KMO: variants seen among roughly 807,000 people sequenced by gnomAD.
The protein encoded by KMO is kynurenine 3-monooxygenase.
Under a neutral mutation model 57.8 loss-of-function variants are expected in KMO, and 24 were observed. The ratio of observed to expected loss-of-function variants is 0.42; its 90% CI spans 0.30 to 0.58. The LOEUF is 0.58. KMO is among the 20% of genes least tolerant of loss of function. The pLI, the probability that KMO is intolerant of heterozygous loss-of-function variation, is 0.22. For synonymous variants in KMO, 210 were observed against 193.6 expected, an observed-to-expected ratio of 1.08 and a Z score of -0.70; for missense variants, 483 against 588.2, an observed-to-expected ratio of 0.82 and a Z score of 1.85.
intron 10 of KMO, among the ~76,000 whole-genome samples, chr1:241,573,489 A>G (rs1007919392): frequency 2.6e-5 from 4 of 152,128 alleles, no homozygotes; most frequent in Admixed American, 1.3e-4. Context: ...ATTCTTCTAC[A>G]TGTGGCTATC....
At chr1:241,556,838 G>A (rs1307553985) in intron 5 of KMO, among the ~76,000 whole-genome samples, 4 of 151,986 alleles carry the variant, frequency 2.6e-5, no homozygotes, top group Non-Finnish European at 4.4e-5. Flanking sequence ...GCAGTGAGCC[G>A]AGATCATGCC....
chr1:241,538,043 T>TG (rs1558409264), intron 1 of KMO, among the ~76,000 whole-genome samples: 1 of 152,218 alleles, frequency 6.6e-6, no homozygotes, highest in South Asian at 2.1e-4. Context: ...GAGATATTTA[T>TG]GGGGTAAAGA....
chr1:241,555,015 G>A (rs1174771973), intron 4 of KMO, among the ~76,000 whole-genome samples: 3 of 151,644 alleles, frequency 2.0e-5, no homozygotes, highest in Admixed American at 6.6e-5. Flanking sequence ...GCCCATAGGC[G>A]CTGTGTCTAC....
At chr1:241,560,784 G>A (rs375479246) in intron 6 of KMO, 32 bp downstream of exon 6, 28 of 1,432,876 alleles carry the variant, frequency 2.0e-5, no homozygotes, top group South Asian at 2.3e-5. Context: ...GACTTCAGAG[G>A]TGAAAGCTGG....
intron 5 of KMO, 135 bp downstream of exon 5, chr1:241,555,795 G>A: frequency 3.9e-6 from 2 of 515,412 alleles, no homozygotes; most frequent in East Asian, 3.1e-5. Context: ...ACACTACAAA[G>A]TCCTTCTTGA....
intron 11 of KMO, 79 bp from the exon 12 acceptor site, chr1:241,588,669 G>A (rs1039659148): frequency 1.0e-5 from 10 of 956,966 alleles, no homozygotes; most frequent in Admixed American, 3.8e-5. Flanking sequence ...GGTAGTGAAC[G>A]TACCATTTAA....
chr1:241,549,256 A>AGAAGAAAGAAAGTCG (rs1553346344), intron 2 of KMO, among the ~76,000 whole-genome samples: 2 of 114,808 alleles, frequency 1.7e-5, no homozygotes, highest in East Asian at 2.7e-4. Context: ...AAAGAAAGAA[A>AGAAGAAAGAAAGTCG]GAAAGAAAGA....
intron 10 of KMO, among the ~76,000 whole-genome samples, chr1:241,579,657 AG>A (rs1215914337): frequency 3.3e-5 from 5 of 152,050 alleles, no homozygotes; most frequent in Non-Finnish European, 5.9e-5. Flanking sequence ...CTAGGCCATA[AG>A]CCTTCTCCTC....
In KMO at chr1:241,565,558, T is replaced by TA. The variant is rs56260608; in HGVS notation, c.687+522dup. ...CAACATAGCAAGACCTTGCCTCTAC[T>TA]AAAAAAAAAAAAAAAAAAAAAATGC... is the stretch of plus-strand genomic sequence containing the variant. On this transcript the variant is annotated intron_variant, in intron 8 of 14. Transcript: ENST00000366559. 3.2e-3 allele frequency among the ~76,000 whole-genome samples: 409 copies of TA among 128,940 alleles called. 1 individual carries two copies. The highest frequency in any genetic ancestry group is 5.2e-3 in the Non-Finnish European group (321 of 61,532). 84.6% of individuals were successfully genotyped at this position (128,940 alleles called of 152,430 possible).
At chr1:241,541,202 G>A (rs1436656655) in intron 1 of KMO, among the ~76,000 whole-genome samples, 2 of 152,144 alleles carry the variant, frequency 1.3e-5, no homozygotes, top group Non-Finnish European at 2.9e-5. Flanking sequence ...ACAGAGCTGT[G>A]GGTAGCAGAA....
At chr1:241,568,754 A>G in intron 10 of KMO, 107 bp downstream of exon 10, 7 of 1,058,056 alleles carry the variant, frequency 6.6e-6, no homozygotes, top group Non-Finnish European at 8.2e-6. Flanking sequence ...ATAATCCCTG[A>G]AAGCACAATC....
At chr1:241,571,929 C>G (rs1214316838) in intron 10 of KMO, among the ~76,000 whole-genome samples, 5 of 130,738 alleles carry the variant, frequency 3.8e-5, no homozygotes, top group Admixed American at 9.4e-5. Context: ...TGCAGTGGTG[C>G]AATCTCTGCC....
rs150742861 is a variant in KMO at position 241,572,463 on chromosome 1, C to T, written c.957+3816C>T. 8.3e-3 allele frequency among the ~76,000 whole-genome samples: 1,262 copies of T among 152,052 alleles called. 53 individuals are homozygous for T. The highest frequency in any genetic ancestry group is 0.07 in the Admixed American group (1,072 of 15,258). ...GATTTTATTTATTTGAGTCTTCTCTCCCTTTTCTGTGTCTAGCTAAAGGTT... is the reference window on the plus strand; with the variant it reads ...GATTTTATTTATTTGAGTCTTCTCTTCCTTTTCTGTGTCTAGCTAAAGGTT... On this transcript the variant is annotated intron_variant, in intron 10 of 14. Transcript: ENST00000366559.
chr1:241,574,471 TC>T (rs1662428078), intron 10 of KMO, among the ~76,000 whole-genome samples: 1 of 151,998 alleles, frequency 6.6e-6, no homozygotes, highest in African/African-American at 2.4e-5. Context: ...AAGGTTTTCA[TC>T]ATAAAGTGAT....
chr1:241,586,044 C>T (rs946849168), intron 10 of KMO, among the ~76,000 whole-genome samples: 2 of 151,800 alleles, frequency 1.3e-5, no homozygotes, highest in Non-Finnish European at 2.9e-5. Context: ...TATGGTAGAG[C>T]AATATAATGA....
chr1:241,569,886 A>T (rs1043511122), intron 10 of KMO, among the ~76,000 whole-genome samples: 2 of 152,030 alleles, frequency 1.3e-5, no homozygotes, highest in African/African-American at 4.8e-5. Context: ...TTTGATTTGC[A>T]TTTCTCTGAT....
At position 241,561,414 on chromosome 1, in the gene KMO, T is replaced by C. The variant is rs926350095; in HGVS notation, c.449+662T>C. Among the ~76,000 whole-genome samples the C allele has an allele frequency of 5.3e-5, 8 of 152,194 alleles. No individual in the cohort carries two copies. In the South Asian group the frequency reaches 1.4e-3, roughly 28 times the overall value. ...AATTTGAATCATTCATGATGTGTTC[T>C]TTCCCCTGTCCTCTCCCATTAAATC... On this transcript the variant is annotated intron_variant, in intron 6 of 14. Transcript: ENST00000366559.
At chr1:241,545,712 C>G (rs536540042) in intron 1 of KMO, among the ~76,000 whole-genome samples, 1 of 152,210 alleles carries the variant, frequency 6.6e-6, no homozygotes, top group South Asian at 2.1e-4. Flanking sequence ...CAATTTACCC[C>G]AAAGATAAAG....
rs759645019 is a variant in KMO, at chr1:241,565,038, A to G, written c.667A>G (p.Met223Val). 22 of 1,601,566 alleles carry G rather than the reference A, an allele frequency of 1.4e-5. No individual in the cohort carries two copies. Among genetic ancestry groups the G allele is most frequent in the Non-Finnish European group, 1.5e-5 (17 of 1,168,986 alleles). ...TATTTGGCCTAGAAATACCTTTATG[A>G]TGATTGCACTTCCTAACATGGTAGT... ...LHIWPRNTFM[M>V]IALPNMNKSF... Residue 223 changes from methionine to valine, a missense_variant, in exon 8 of 15, where the codon ATG becomes GTG. Met to Val is a conservative substitution (Grantham distance 21, BLOSUM62 1). Transcript: ENST00000366559.
Sources: gnomAD v4.1 joint callset for allele counts (sites outside exome capture counted in the v4.1 genomes callset) on GRCh38, gnomAD v4.1.1 for gene constraint, MANE v1.5 for transcripts, NCBI Gene and HGNC (gene_info 2026-07-23, HGNC 2026-07-21) for gene names.